The following PTP4A2 variants were observed in gnomAD, a reference collection of about 807,000 sequenced individuals.
PTP4A2 encodes protein tyrosine phosphatase type IVA 2.
In PTP4A2, 2 loss-of-function variants were observed where a neutral mutation model predicts 22.9. The ratio of observed to expected loss-of-function variants is 0.09; its 90% confidence interval spans 0.04 to 0.27. PTP4A2 has a LOEUF of 0.27. PTP4A2 is among the 10% of genes least tolerant of loss of function. The probability of loss-of-function intolerance (pLI) is 1.00; values close to 1 mark genes in which losing one functional copy is unlikely to be tolerated. For synonymous variants in PTP4A2, 68 were observed against 69.1 expected (o/e 0.98, Z 0.08); for missense variants, 103 against 205.1 (o/e 0.50, Z 3.04).
Position 31,908,119 on chromosome 1 carries a change from T to G in PTP4A2, c.*733A>C. The G allele has an allele frequency of 4.4e-3, 2 of 452 alleles. No individual in the cohort carries two copies. The highest frequency in any genetic ancestry group is 0.017 in the African/African-American group (2 of 116). 0.0% of individuals were successfully genotyped at this position (452 alleles called of 1,614,324 possible). ...GACTAAAAACCACCTGGAAAATATA[T>G]ATATATATATATATATTATATTATA... On this transcript the variant is annotated 3_prime_UTR_variant, in exon 6 of 6. Coordinates refer to ENST00000647444, the MANE Select transcript of PTP4A2 (RefSeq NM_080391.4).
intron 3 of PTP4A2, chr1:31,914,248 GGA>G (rs953815453): frequency 1.5e-5 from 7 of 455,200 alleles, no homozygotes; most frequent in African/African-American, 1.4e-4. Context: ...TGTATTTTTC[GGA>G]GAGACAGGGT....
At chr1:31,934,267 C>A (rs901987542) in intron 1 of PTP4A2, among the ~76,000 whole-genome samples, 8 of 151,978 alleles carry the variant, frequency 5.3e-5, no homozygotes, top group East Asian at 1.9e-4. Context: ...TTAAAAAAAA[C>A]CAAAACAAAC....
intron 5 of PTP4A2, among the ~76,000 whole-genome samples, chr1:31,909,359 T>G (rs1651409056): frequency 6.6e-6 from 1 of 152,142 alleles, no homozygotes; most frequent in Non-Finnish European, 1.5e-5. Context: ...ATCCTGATTT[T>G]GTCCCTGAAT....
chr1:31,926,677 T>C (rs921358176), intron 1 of PTP4A2, among the ~76,000 whole-genome samples: 1 of 152,214 alleles, frequency 6.6e-6, no homozygotes, highest in African/African-American at 2.4e-5. Context: ...GAACATGTAC[T>C]ATGGGTCACA....
rs1651290341 is a variant in PTP4A2 at position 31,908,133 on chromosome 1, TATTATATTATATATA to T, written c.*704_*718del. 8.7e-3 allele frequency: 3 copies of T among 346 alleles called. No individual in the cohort carries two copies. Among genetic ancestry groups the T allele is most frequent in the Non-Finnish European group, 0.016 (3 of 182 alleles). The allele number at this position is 346 out of a possible 1,614,324, so 0.0% of individuals were successfully genotyped here. A position where few individuals can be genotyped will look rare whatever the true frequency, so the allele number is the denominator to read the frequency against. On this transcript the variant is annotated 3_prime_UTR_variant, in exon 6 of 6. Coordinates refer to ENST00000647444, the MANE Select transcript of PTP4A2 (RefSeq NM_080391.4). The stretch of plus-strand genomic sequence containing the variant: ...TGGAAAATATATATATATATATATA[TATTATATTATATATA>T]TATATATATATATATATATATATAT...
Position 31,918,962 on chromosome 1 carries a change from A to C in PTP4A2, c.96+8T>G. 1 of 1,505,130 alleles carries C rather than the reference A, an allele frequency of 6.6e-7. No individual in the cohort carries two copies. The highest frequency in any genetic ancestry group is 9.2e-7 in the Non-Finnish European group (1 of 1,082,872). 93.2% of individuals were successfully genotyped at this position (1,505,130 alleles called of 1,614,324 possible). ...CAATCCAAAAAGTAGACCATGCCACAATCTTACCTCTGTGAACTTGTTGAG... is the reference window on the plus strand; with the variant it reads ...CAATCCAAAAAGTAGACCATGCCACCATCTTACCTCTGTGAACTTGTTGAG... On this transcript the variant is annotated splice_region_variant and intron_variant, in intron 2 of 5. Coordinates refer to ENST00000647444, the MANE Select transcript of PTP4A2 (RefSeq NM_080391.4).
Position 31,911,749 on chromosome 1 carries a change from A to T in PTP4A2, c.267T>A (p.Phe89Leu). The T allele has an allele frequency of 6.2e-7, 1 of 1,606,910 alleles. No individual in the cohort carries two copies. Among genetic ancestry groups the T allele is most frequent in the South Asian group, 1.1e-5 (1 of 89,778 alleles). The change falls in exon 4 of 6, where the codon TTT becomes TTA. Residue 89 changes from phenylalanine to leucine, a missense_variant. Physicochemically the swap from Phe to Leu is conservative, Grantham distance 22. This residue lies in a region of PTP4A2 where 66 missense variants were observed against 113.0 expected (regional missense o/e 0.58). Coordinates refer to ENST00000647444, the MANE Select transcript of PTP4A2 (RefSeq NM_080391.4). ...DDWLNLLKTK[F>L]REEPGCCVAV... ...CAACACAGCAACCTGGCTCTTCACG[A>T]AATTTGGTTTTTAACAGGTTTAACC...
intron 1 of PTP4A2, chr1:31,930,821 G>C (rs1276953607): frequency 6.6e-6 from 1 of 152,056 alleles, no homozygotes; most frequent in African/African-American, 2.4e-5. Flanking sequence ...GTAACATTAC[G>C]ATCTTTAAAA....
intron 1 of PTP4A2, among the ~76,000 whole-genome samples, chr1:31,928,456 T>G (rs1402639814): frequency 6.6e-6 from 1 of 151,600 alleles, no homozygotes; most frequent in Non-Finnish European, 1.5e-5. Context: ...TCCCAGCACT[T>G]TGGAAGGCCA....
intron 2 of PTP4A2, among the ~76,000 whole-genome samples, chr1:31,916,680 G>A (rs1053493012): frequency 1.7e-4 from 26 of 152,036 alleles, no homozygotes; most frequent in Admixed American, 1.4e-3. Context: ...CCACATTAAT[G>A]GTCCAAAAAT....
At chr1:31,910,998 G>C (rs1397193366) in intron 4 of PTP4A2, 3 of 152,194 alleles carry the variant, frequency 2.0e-5, no homozygotes, top group Admixed American at 6.5e-5. Context: ...ATAGCTACTA[G>C]TTATAAAACT....
chr1:31,930,266 G>C (rs570426899), intron 1 of PTP4A2, among the ~76,000 whole-genome samples: 11 of 152,238 alleles, frequency 7.2e-5, no homozygotes, highest in South Asian at 6.2e-4. Flanking sequence ...TGAACCCCGG[G>C]GGGGCGGAAC....
At position 31,906,768 on chromosome 1, in the gene PTP4A2, ACACACACACACACACACACC is replaced by A. The variant is rs1651190654; in HGVS notation, c.*2064_*2083del. On this transcript the variant is annotated 3_prime_UTR_variant, in exon 6 of 6. Coordinates refer to ENST00000647444, the MANE Select transcript of PTP4A2 (RefSeq NM_080391.4). ...CACACACACACATACACACACACAC[ACACACACACACACACACACC>A]CCCTCCCCCCAAACAACAAAATTCA... The A allele has an allele frequency of 6.9e-6, 1 of 145,164 alleles. No homozygotes were observed. The highest frequency in any genetic ancestry group is 6.9e-5 in the Admixed American group (1 of 14,412). 9.0% of individuals were successfully genotyped at this position (145,164 alleles called of 1,614,324 possible). A position where few individuals can be genotyped will look rare whatever the true frequency, so the allele number is the denominator to read the frequency against.
At chr1:31,926,147 A>T (rs531389577) in intron 1 of PTP4A2, among the ~76,000 whole-genome samples, 2,237 of 127,310 alleles carry the variant, frequency 0.018, 77 homozygotes, top group Admixed American at 0.07. Context: ...AAAAAAAAAA[A>T]AAATATATAT....
chr1:31,928,762 C>T (rs910628047), intron 1 of PTP4A2, among the ~76,000 whole-genome samples: 1 of 151,694 alleles, frequency 6.6e-6, no homozygotes, highest in Non-Finnish European at 1.5e-5. Flanking sequence ...TTTCCACTTC[C>T]TCATTTAAGG....
chr1:31,912,880 C>G (rs1337048412), intron 3 of PTP4A2: 1 of 349,516 alleles, frequency 2.9e-6, no homozygotes, highest in Admixed American at 3.7e-5. Context: ...TTAGCCAAAA[C>G]AGTACATGAT....
intron 1 of PTP4A2, among the ~76,000 whole-genome samples, chr1:31,922,522 T>C (rs1470688609): frequency 6.6e-6 from 1 of 152,184 alleles, no homozygotes; most frequent in Non-Finnish European, 1.5e-5. Flanking sequence ...TCAGAGAGGT[T>C]AAAATGGCTT....
At chr1:31,920,443 CAAAAAACA>C (rs1402614922) in intron 1 of PTP4A2, among the ~76,000 whole-genome samples, 1 of 144,404 alleles carries the variant, frequency 6.9e-6, no homozygotes. Flanking sequence ...AACTCTGTCT[CAAAAAACA>C]AAAAAACAAA....
intron 1 of PTP4A2, among the ~76,000 whole-genome samples, chr1:31,927,071 G>A (rs982336058): frequency 9.9e-5 from 15 of 152,118 alleles, no homozygotes; most frequent in African/African-American, 3.6e-4. Context: ...ATAAAAGAGA[G>A]CCTTATAGGC....
Sources: allele counts gnomAD v4.1 joint callset (sites outside exome capture counted in the v4.1 genomes callset), GRCh38; gene constraint gnomAD v4.1.1; regional missense constraint gnomAD v4.1.1; transcripts MANE v1.5; gene names NCBI Gene and HGNC (gene_info 2026-07-23, HGNC 2026-07-21).